PHACTR3: variants seen among roughly 807,000 people sequenced by gnomAD.
PHACTR3 encodes the protein phosphatase and actin regulator 3.
Under a neutral mutation model 66.8 loss-of-function variants are expected in PHACTR3, and 16 were observed. The ratio of observed to expected loss-of-function variants is 0.24; its 90% confidence interval spans 0.16 to 0.36. The LOEUF is 0.36. Ranked by LOEUF, PHACTR3 falls within the 10% of genes least tolerant of loss-of-function variation. The pLI is 1.00. For missense variants in PHACTR3, 647 were observed against 719.9 expected (o/e 0.90, Z 1.16); for synonymous variants, 323 against 292.1 (o/e 1.11, Z -1.08).
chr20:59,599,818 C>T (rs62203912), upstream of PHACTR3, among the ~76,000 whole-genome samples: 1 of 152,272 alleles, frequency 6.6e-6, no homozygotes, highest in African/African-American at 2.4e-5. Flanking sequence ...TGCTGGGTGC[C>T]TCTGCCTATT....
At chr20:59,807,761 A>C (rs2041614889) in intron 8 of PHACTR3, among the ~76,000 whole-genome samples, 1 of 152,188 alleles carries the variant, frequency 6.6e-6, no homozygotes, top group Admixed American at 6.5e-5. Flanking sequence ...CTCCATTTTC[A>C]TCTTCTGGGA....
chr20:59,800,645 T>C (rs1464553192), intron 7 of PHACTR3, among the ~76,000 whole-genome samples: 1 of 152,308 alleles, frequency 6.6e-6, no homozygotes, highest in African/African-American at 2.4e-5. Context: ...GTTTTCTTTA[T>C]GTTTCATGCA....
At chr20:59,643,102 G>A (rs1485046913) in intron 1 of PHACTR3, among the ~76,000 whole-genome samples, 5 of 152,068 alleles carry the variant, frequency 3.3e-5, no homozygotes, top group East Asian at 1.9e-4. Context: ...TAGTAGAGAC[G>A]GGGTTTCACC....
chr20:59,694,486 G>A (rs764471990), intron 1 of PHACTR3, among the ~76,000 whole-genome samples: 4 of 151,780 alleles, frequency 2.6e-5, no homozygotes, highest in Non-Finnish European at 4.4e-5. Flanking sequence ...TAGGAAGTTA[G>A]GCATCTAGAT....
At chr20:59,677,849 G>A (rs916086227) in intron 1 of PHACTR3, among the ~76,000 whole-genome samples, 3 of 152,014 alleles carry the variant, frequency 2.0e-5, no homozygotes, top group African/African-American at 4.8e-5. Context: ...CCATGGTGAG[G>A]TTCATTCAGA....
intron 7 of PHACTR3, among the ~76,000 whole-genome samples, chr20:59,793,277 G>A (rs892483446): frequency 5.3e-5 from 8 of 152,114 alleles, no homozygotes; most frequent in South Asian, 2.1e-4. Flanking sequence ...GTCTTTTGTG[G>A]CTCCATACCA....
chr20:59,805,183 C>T (rs1019035314), intron 7 of PHACTR3, among the ~76,000 whole-genome samples: 1 of 152,216 alleles, frequency 6.6e-6, no homozygotes, highest in Admixed American at 6.5e-5. Flanking sequence ...CCCATCTCTG[C>T]TCCTAAGTAA....
chr20:59,707,426 TC>T (rs1371297251), intron 1 of PHACTR3, among the ~76,000 whole-genome samples: 2 of 149,050 alleles, frequency 1.3e-5, no homozygotes, highest in African/African-American at 4.9e-5. Context: ...GTCTGGGGCC[TC>T]CCTTCTTCTT....
chr20:59,812,477 C>T (rs938024408), intron 8 of PHACTR3, among the ~76,000 whole-genome samples: 11 of 152,186 alleles, frequency 7.2e-5, no homozygotes, highest in East Asian at 5.8e-4. Context: ...CGAGTTTAGA[C>T]GCTCCCTCCT....
At chr20:59,649,941 A>G (rs2035406943) in intron 1 of PHACTR3, among the ~76,000 whole-genome samples, 1 of 152,192 alleles carries the variant, frequency 6.6e-6, no homozygotes, top group Non-Finnish European at 1.5e-5. Flanking sequence ...TTATTTTTAT[A>G]AGTATGGAAA....
chr20:59,737,530 G>GTGCGTGTA (rs2038990247), intron 1 of PHACTR3, among the ~76,000 whole-genome samples: 2 of 67,636 alleles, frequency 3.0e-5, no homozygotes, highest in Admixed American at 1.8e-4. Flanking sequence ...GCGTGTATGT[G>GTGCGTGTA]TGTGCGTGCA....
At chr20:59,649,532 TTGAGTATTTACTTTTATTTGGTTTTG>T (rs2035392064) in intron 1 of PHACTR3, among the ~76,000 whole-genome samples, 2 of 152,242 alleles carry the variant, frequency 1.3e-5, no homozygotes, top group African/African-American at 4.8e-5. Context: ...TGGAATTTTA[TTGAGTATTTACTTTTATTTGGTTTTG>T]AAGAAGAGCT....
At chr20:59,618,876 A>G (rs967291098) in intron 1 of PHACTR3, among the ~76,000 whole-genome samples, 1 of 152,046 alleles carries the variant, frequency 6.6e-6, no homozygotes, top group African/African-American at 2.4e-5. Flanking sequence ...AACTGTTTAG[A>G]GAGAGTCTGG....
At chr20:59,676,438 C>T (rs1204911591) in intron 1 of PHACTR3, among the ~76,000 whole-genome samples, 1 of 152,192 alleles carries the variant, frequency 6.6e-6, no homozygotes, top group Admixed American at 6.5e-5. Context: ...CCCTCAGACC[C>T]TGGGTTGCCC....
intron 7 of PHACTR3, among the ~76,000 whole-genome samples, chr20:59,801,820 A>G (rs1366654643): frequency 6.6e-6 from 1 of 152,252 alleles, no homozygotes; most frequent in Non-Finnish European, 1.5e-5. Context: ...ATGTTGTGAC[A>G]GTGCACAAAT....
intron 2 of PHACTR3, 150 bp from the exon 3 acceptor site, chr20:59,747,608 C>A: frequency 1.3e-6 from 1 of 777,330 alleles, no homozygotes; most frequent in Non-Finnish European, 2.1e-6. Flanking sequence ...AAAGTTGGGC[C>A]TCGCCAGTGG....
At chr20:59,601,066 C>A (rs753521374), upstream of PHACTR3, among the ~76,000 whole-genome samples, 50 of 152,046 alleles carry the variant, frequency 3.3e-4, no homozygotes, top group East Asian at 1.2e-3. Context: ...TCACCATAAT[C>A]TAATTTTAGA....
intron 1 of PHACTR3, among the ~76,000 whole-genome samples, chr20:59,584,254 GTGTA>G: frequency 6.6e-6 from 1 of 152,214 alleles, no homozygotes; most frequent in Non-Finnish European, 1.5e-5. Flanking sequence ...GATTGTGTGT[GTGTA>G]TGCATGTGTT....
At chr20:59,766,614 C>T (rs2146865656) in intron 4 of PHACTR3, among the ~76,000 whole-genome samples, 1 of 152,182 alleles carries the variant, frequency 6.6e-6, no homozygotes, top group East Asian at 1.9e-4. Context: ...ACCCTTCCTC[C>T]AAGTCGATCC....
Sources: gnomAD v4.1 joint callset for allele counts (sites outside exome capture counted in the v4.1 genomes callset) on GRCh38, gnomAD v4.1.1 for gene constraint, MANE v1.5 for transcripts, NCBI Gene and HGNC (gene_info 2026-07-23, HGNC 2026-07-21) for gene names.